Variants in ABLIM2 observed in about 807,000 individuals in gnomAD.
ABLIM2 encodes actin-binding LIM protein 2.
A neutral mutation model predicts 97.7 loss-of-function variants in ABLIM2; 53 were observed. That is an observed-to-expected ratio of 0.54 (90% CI 0.44 to 0.68). ABLIM2 has a LOEUF of 0.68. Among genes scored for constraint, ABLIM2 ranks in the 30% least tolerant of loss-of-function variants. The pLI is 0.00. For missense variants in ABLIM2, 835 were observed against 867.2 expected (o/e 0.96, Z 0.47); for synonymous variants, 361 against 345.8 (o/e 1.04, Z -0.49).
At chr4:8,026,811 T>C (rs1414463123) in intron 12 of ABLIM2, among the ~76,000 whole-genome samples, 1 of 152,220 alleles carries the variant, frequency 6.6e-6, no homozygotes, top group East Asian at 1.9e-4. Context: ...CTGTTTTTCC[T>C]GGCTTGCAGA....
At chr4:8,039,896 T>TTTTTTA (rs1787169884) in intron 9 of ABLIM2, among the ~76,000 whole-genome samples, 3 of 142,934 alleles carry the variant, frequency 2.1e-5, no homozygotes, top group Non-Finnish European at 4.6e-5. Context: ...TTTTTTTTTT[T>TTTTTTA]AATAAATGCA....
At position 7,983,569 on chromosome 4, in the gene ABLIM2, G is replaced by A. The variant is rs370012949; in HGVS notation, c.1736-15C>T. The A allele has an allele frequency of 1.3e-5, 21 of 1,613,048 alleles. No individual in the cohort carries two copies. The African/African-American group carries it at 2.1e-4, about 16-fold the overall frequency. ...TACCTTGTATTCTGTAAGAGAGAGA[G>A]AGCGGAGACCACGAAATGGTTTAGA... is the stretch of plus-strand genomic sequence containing the variant. On this transcript the variant is annotated splice_polypyrimidine_tract_variant and intron_variant, in intron 18 of 20. Transcript: ENST00000447017.
intron 2 of ABLIM2, among the ~76,000 whole-genome samples, chr4:8,106,009 G>T (rs75071016): frequency 0.1 from 15,881 of 152,134 alleles, 950 homozygotes; most frequent in African/African-American, 0.16. Flanking sequence ...TACATTATTG[G>T]TTTATAGTCA....
chr4:7,984,950 T>G lies in ABLIM2; in HGVS notation c.1681-57A>C. 3.2e-6 allele frequency: 5 copies of G among 1,569,520 alleles called. No individual in the cohort carries two copies. The South Asian group carries it at 3.5e-5, about 11-fold the overall frequency. On this transcript the variant is annotated intron_variant, in intron 17 of 20. Coordinates refer to ENST00000447017, the MANE Select transcript of ABLIM2 (RefSeq NM_001130083.2). ...GACAGGCGGCACGAGGGTGTGTGGA[T>G]GGGCAGGGACCAGGAGATGTGGCCC...
Position 8,009,030 on chromosome 4 carries a change from G to A in ABLIM2, c.1476+20C>T, listed in dbSNP as rs74845648. 40,545 of 1,613,796 alleles carry A rather than the reference G, an allele frequency of 0.025. 600 individuals carry two copies. Among genetic ancestry groups the A allele is most frequent in the Middle Eastern group, 0.042 (255 of 6,062 alleles). On this transcript the variant is annotated intron_variant, in intron 15 of 20. Transcript: ENST00000447017. ...TTCTGAGCAAGGCTGTTCTCAGCCA[G>A]ATCTGCTCCCTGGCATTACCTTCCT...
intron 2 of ABLIM2, 104 bp from the exon 3 acceptor site, chr4:8,097,386 C>T: frequency 1.4e-6 from 2 of 1,391,468 alleles, no homozygotes; most frequent in Non-Finnish European, 1.9e-6. Context: ...CCACCTGACA[C>T]AGGCACTGAG....
rs1379513944 is a variant in ABLIM2 at position 8,002,695 on chromosome 4, T to C, written c.1618+5364A>G. 5.9e-5 allele frequency among the ~76,000 whole-genome samples: 9 copies of C among 152,252 alleles called. No homozygotes were observed. In the East Asian group the frequency reaches 1.7e-3, roughly 29 times the overall value. On this transcript the variant is annotated intron_variant, in intron 16 of 20. Coordinates refer to ENST00000447017, the MANE Select transcript of ABLIM2 (RefSeq NM_001130083.2). This position sits in a 1 kb window ranked among gnomAD's most constrained non-coding sequence, Gnocchi z 6.1. The stretch of plus-strand genomic sequence containing the variant: ...TGCCTCCAGACCTGTCTACAGGCTG[T>C]CTGTGCTGCTTAAATCCTGAGTCAG...
At chr4:8,016,417 G>A (rs574294561) in intron 14 of ABLIM2, among the ~76,000 whole-genome samples, 1 of 152,216 alleles carries the variant, frequency 6.6e-6, no homozygotes, top group South Asian at 2.1e-4. Context: ...GTCCCTGCCC[G>A]ATATCAAGTG....
intron 8 of ABLIM2, among the ~76,000 whole-genome samples, chr4:8,053,044 C>G (rs1797029605): frequency 6.6e-6 from 1 of 152,230 alleles, no homozygotes; most frequent in African/African-American, 2.4e-5. Flanking sequence ...ATAGACCACC[C>G]TTGGGTCACA....
intron 12 of ABLIM2, 110 bp downstream of exon 12, chr4:8,027,649 A>G: frequency 1.2e-6 from 1 of 819,718 alleles, no homozygotes. Context: ...GGCACAGGGC[A>G]TGAAACAGGG....
At chr4:8,156,453 C>A (rs546767876) in intron 1 of ABLIM2, among the ~76,000 whole-genome samples, 1 of 152,178 alleles carries the variant, frequency 6.6e-6, no homozygotes, top group African/African-American at 2.4e-5. Context: ...TATAAACAAT[C>A]GCTCTGGCCA....
intron 1 of ABLIM2, among the ~76,000 whole-genome samples, chr4:8,137,285 A>C (rs1310629522): frequency 6.6e-6 from 1 of 152,176 alleles, no homozygotes; most frequent in East Asian, 1.9e-4. Context: ...GAGCTGGGTG[A>C]GACAGTCCCT....
chr4:8,104,885 A>C (rs1031103311), intron 2 of ABLIM2, among the ~76,000 whole-genome samples: 1 of 152,182 alleles, frequency 6.6e-6, no homozygotes, highest in African/African-American at 2.4e-5. Flanking sequence ...CTGCGCCTGC[A>C]GACATGAACC....
chr4:8,006,788 T>A (rs1442980976), intron 16 of ABLIM2, among the ~76,000 whole-genome samples: 6 of 152,084 alleles, frequency 3.9e-5, no homozygotes, highest in Non-Finnish European at 8.8e-5. Flanking sequence ...ATAGCCCCCT[T>A]GCCCTGCCTG....
chr4:8,057,749 G>A (rs1800263813), intron 7 of ABLIM2, among the ~76,000 whole-genome samples: 2 of 152,242 alleles, frequency 1.3e-5, no homozygotes, highest in South Asian at 4.1e-4. Context: ...CATTGCGGGG[G>A]TTGGCCTGCC....
At chr4:7,979,562 T>A (rs1215932310) in intron 20 of ABLIM2, among the ~76,000 whole-genome samples, 2 of 152,262 alleles carry the variant, frequency 1.3e-5, no homozygotes, top group Admixed American at 6.5e-5. Context: ...CTGTCACCTT[T>A]GTTTCTCTGA....
chr4:8,128,366 T>C lies in ABLIM2; in HGVS notation c.11-21729A>G, dbSNP rs1401250915. On this transcript the variant is annotated intron_variant, in intron 1 of 20. Transcript: ENST00000447017. This position sits in a 1 kb window ranked among gnomAD's most constrained non-coding sequence, Gnocchi z 4.9. ...GGCCACAAGAAGACGTGTCTCTATCTAGCGAATCAGAGTCCAGCACCCCGT... is the reference window on the plus strand; with the variant it reads ...GGCCACAAGAAGACGTGTCTCTATCCAGCGAATCAGAGTCCAGCACCCCGT... Among the ~76,000 whole-genome samples the C allele has an allele frequency of 6.6e-6, 1 of 152,162 alleles. No individual in the cohort carries two copies. Among genetic ancestry groups the C allele is most frequent in the Non-Finnish European group, 1.5e-5 (1 of 68,026 alleles).
At chr4:8,074,639 TG>T (rs1341299369) in intron 6 of ABLIM2, among the ~76,000 whole-genome samples, 5 of 152,232 alleles carry the variant, frequency 3.3e-5, no homozygotes, top group Non-Finnish European at 4.4e-5. Flanking sequence ...TCTACATTTC[TG>T]TGAATATATC....
chr4:8,063,570 T>C (rs1804872514), intron 6 of ABLIM2, among the ~76,000 whole-genome samples: 1 of 152,198 alleles, frequency 6.6e-6, no homozygotes, highest in South Asian at 2.1e-4. Flanking sequence ...CAGCAGGTGG[T>C]AGAGCTGCGG....
Sources: gnomAD v4.1 joint callset for allele counts (sites outside exome capture counted in the v4.1 genomes callset) on GRCh38, gnomAD v4.1.1 for gene constraint, Gnocchi (gnomAD v3.1) non-coding constraint, MANE v1.5 for transcripts, NCBI Gene and HGNC (gene_info 2026-07-23, HGNC 2026-07-21) for gene names.